Variants in TRRAP observed in about 807,000 individuals in gnomAD.
TRRAP encodes the protein transformation/transcription domain-associated protein.
In TRRAP, 41 loss-of-function variants were observed where a neutral mutation model predicts 438.8. The ratio of observed to expected loss-of-function variants is 0.09; its 90% confidence interval spans 0.07 to 0.12. The LOEUF (loss-of-function observed/expected upper bound fraction) is 0.12. Among genes scored for constraint, TRRAP ranks in the 10% least tolerant of loss-of-function variants. The pLI, the probability that TRRAP is intolerant of heterozygous loss-of-function variation, is 1.00. For synonymous variants in TRRAP, 1,994 were observed against 1,962.9 expected (o/e 1.02, Z -0.42); for missense variants, 3,122 against 5,055.1 (o/e 0.62, Z 11.60).
At chr7:98,892,789 G>A (rs1231337962) in intron 5 of TRRAP, among the ~76,000 whole-genome samples, 7 of 152,180 alleles carry the variant, frequency 4.6e-5, no homozygotes, top group African/African-American at 1.2e-4. Context: ...ATGGTGAGCC[G>A]GGTGCGGGCC....
intron 25 of TRRAP, 82 bp downstream of exon 25, chr7:98,930,912 A>G: frequency 6.5e-7 from 1 of 1,535,614 alleles, no homozygotes. Flanking sequence ...ATCCTTCTGC[A>G]AATATGCTCT....
At position 98,976,560 on chromosome 7, in the gene TRRAP, G is replaced by C. The variant is rs770092562; in HGVS notation, c.8037G>C (p.Leu2679=). The change falls in exon 55 of 73, where the codon CTG becomes CTC. Residue 2679 remains leucine, a synonymous_variant. Transcript: ENST00000456197. The surrounding 1 kb of genome is among the most constrained non-coding windows in gnomAD (Gnocchi z 4.6). The part of the protein sequence containing the change: ...QVQRDCQPSA[L]NCFVEAMSQC... ...AGCGGGACTGCCAGCCCAGCGCGCT[G>C]AACTGCTTTGTGGAAGCCATGTCCC... The C allele has an allele frequency of 6.2e-7, 1 of 1,614,006 alleles. No individual in the cohort carries two copies. Among genetic ancestry groups the C allele is most frequent in the Non-Finnish European group, 8.5e-7 (1 of 1,180,038 alleles).
At position 98,948,581 on chromosome 7, in the gene TRRAP, C is replaced by T; in HGVS notation, c.4684C>T (p.Arg1562Ter). 1 of 1,614,136 alleles carries T rather than the reference C, an allele frequency of 6.2e-7. No individual in the cohort carries two copies. The change falls in exon 35 of 73, where the codon CGA becomes TGA. Residue 1562 changes from arginine (R) to a stop codon, truncating the protein, a stop_gained. Coordinates refer to ENST00000456197, the MANE Select transcript of TRRAP (RefSeq NM_001375524.1). LOFTEE classifies it high-confidence loss of function. The surrounding 1 kb of genome is among the most constrained non-coding windows in gnomAD (Gnocchi z 4.9). ...TGTTTTGCAGGCGGGGAGTCCATTC[C>T]GAGAGCCCCTGATCAAGTTCCTGAC... is the stretch of plus-strand genomic sequence containing the variant. ...AMLIEAGSPF[R>*]EPLIKFLTRH...
chr7:98,968,974 G>A (rs545928170), intron 51 of TRRAP, among the ~76,000 whole-genome samples: 5 of 152,292 alleles, frequency 3.3e-5, no homozygotes, highest in Admixed American at 6.5e-5. Context: ...CATGTGAATC[G>A]GTCAGGGGAA....
At position 98,906,262 on chromosome 7, in the gene TRRAP, G is replaced by A; in HGVS notation, c.1115+7G>A. On this transcript the variant is annotated splice_region_variant and intron_variant, in intron 13 of 72. Coordinates refer to ENST00000456197, the MANE Select transcript of TRRAP (RefSeq NM_001375524.1). ...CTGCCAGAGAGACTCTAAGGTATGAGATTAAACCAGTGATATCTGGTTGGT... is the reference window on the plus strand; with the variant it reads ...CTGCCAGAGAGACTCTAAGGTATGAAATTAAACCAGTGATATCTGGTTGGT... The A allele has an allele frequency of 6.2e-7, 1 of 1,612,422 alleles. No individual in the cohort carries two copies. The highest frequency in any genetic ancestry group is 8.5e-7 in the Non-Finnish European group (1 of 1,178,862).
chr7:98,950,196 A>G lies in TRRAP; in HGVS notation c.5268A>G (p.Lys1756=). 6.2e-7 allele frequency: 1 copy of G among 1,614,214 alleles called. No individual in the cohort carries two copies. Reference sequence around the variant, plus strand: ...CCAAAAATTACAGCATCGCTCAGAAACGTGCCCTGTTCTTTCGCTTTGTAG... The same window carrying G: ...CCAAAAATTACAGCATCGCTCAGAAGCGTGCCCTGTTCTTTCGCTTTGTAG... The part of the protein sequence containing the change: ...EIPKNYSIAQ[K]RALFFRFVDF... The change falls in exon 38 of 73, where the codon AAA becomes AAG. Residue 1756 remains lysine, a synonymous_variant. Transcript: ENST00000456197.
intron 33 of TRRAP, among the ~76,000 whole-genome samples, chr7:98,946,800 G>A (rs944514185): frequency 1.3e-5 from 2 of 152,224 alleles, no homozygotes; most frequent in Non-Finnish European, 2.9e-5. Context: ...CCTCCCAGTG[G>A]TGTTGCAAAG....
intron 3 of TRRAP, among the ~76,000 whole-genome samples, chr7:98,889,305 A>G (rs570366967): frequency 4.6e-5 from 7 of 152,292 alleles, no homozygotes; most frequent in South Asian, 2.1e-4. Flanking sequence ...AGTATTTGAC[A>G]TGTAAGTGCT....
At chr7:98,911,320 T>G in intron 17 of TRRAP, 49 bp downstream of exon 17, 1 of 1,493,346 alleles carries the variant, frequency 6.7e-7, no homozygotes, top group Non-Finnish European at 9.1e-7. Context: ...ATTCTTTGTT[T>G]ATGTCTTAAA....
intron 67 of TRRAP, among the ~76,000 whole-genome samples, chr7:99,002,260 T>C (rs1228866269): frequency 6.6e-6 from 1 of 152,180 alleles, no homozygotes; most frequent in African/African-American, 2.4e-5. Context: ...GGTGTGCGCA[T>C]GCATACACAC....
Position 99,012,717 on chromosome 7 carries a change from A to C in TRRAP, c.*362A>C. The C allele has an allele frequency of 4.4e-6, 1 of 229,238 alleles. No homozygotes were observed. Among genetic ancestry groups the C allele is most frequent in the African/African-American group, 2.3e-5 (1 of 43,898 alleles). The allele number at this position is 229,238 out of a possible 1,614,324, so 14.2% of individuals were successfully genotyped here. ...GGAACTGTACGAACAGCTCCCTTCC[A>C]TCCATTTTTAACTCTTTCGGAAATA... is the stretch of plus-strand genomic sequence containing the variant. On this transcript the variant is annotated 3_prime_UTR_variant, in exon 73 of 73. Coordinates refer to ENST00000456197, the MANE Select transcript of TRRAP (RefSeq NM_001375524.1). The surrounding 1 kb of genome is among the most constrained non-coding windows in gnomAD (Gnocchi z 5.9).
At chr7:98,921,703 G>C in intron 20 of TRRAP, 50 bp from the exon 21 acceptor site, 5 of 1,607,648 alleles carry the variant, frequency 3.1e-6, no homozygotes, top group Non-Finnish European at 4.3e-6. Context: ...TCCGAACCTC[G>C]TGAAGGCATT....
At chr7:98,965,380 G>A (rs1286543382) in intron 48 of TRRAP, among the ~76,000 whole-genome samples, 1 of 152,160 alleles carries the variant, frequency 6.6e-6, no homozygotes, top group Admixed American at 6.5e-5. Context: ...GCCTGGCAGG[G>A]GCTGTGGTGG....
intron 53 of TRRAP, among the ~76,000 whole-genome samples, chr7:98,974,807 C>T (rs1792578188): frequency 6.6e-6 from 1 of 152,184 alleles, no homozygotes; most frequent in South Asian, 2.1e-4. Flanking sequence ...AAACATGGCA[C>T]CCATAGGCAT....
chr7:98,895,753 G>A lies in TRRAP; in HGVS notation c.451-11G>A. ...ATATCTTCCTATAACGAAAGTGTCTGCTTTTTTTAGATTCATCATTTTCTG... is the reference window on the plus strand; with the variant it reads ...ATATCTTCCTATAACGAAAGTGTCTACTTTTTTTAGATTCATCATTTTCTG... On this transcript the variant is annotated splice_polypyrimidine_tract_variant and intron_variant, in intron 6 of 72. Coordinates refer to ENST00000456197, the MANE Select transcript of TRRAP (RefSeq NM_001375524.1). The A allele has an allele frequency of 1.3e-6, 2 of 1,596,212 alleles. No homozygotes were observed. The highest frequency in any genetic ancestry group is 1.7e-6 in the Non-Finnish European group (2 of 1,171,832).
Position 98,976,074 on chromosome 7 carries a change from G to T in TRRAP, c.7840-75G>T. The T allele has an allele frequency of 1.3e-6, 2 of 1,570,826 alleles. No individual in the cohort carries two copies. The highest frequency in any genetic ancestry group is 1.1e-5 in the South Asian group (1 of 87,664). ...TCGGTAATGTATGAGACAGATCATGGGTGTCTTCTGAGCGTGGTTGTGCGA... is the reference window on the plus strand; with the variant it reads ...TCGGTAATGTATGAGACAGATCATGTGTGTCTTCTGAGCGTGGTTGTGCGA... On this transcript the variant is annotated intron_variant, in intron 53 of 72. Coordinates refer to ENST00000456197, the MANE Select transcript of TRRAP (RefSeq NM_001375524.1). This position sits in a 1 kb window ranked among gnomAD's most constrained non-coding sequence, Gnocchi z 4.6.
Position 98,918,214 on chromosome 7 carries a change from C to T in TRRAP, c.2622+535C>T, listed in dbSNP as rs114324051. Among the ~76,000 whole-genome samples, 860 of 144,926 alleles carry T rather than the reference C, an allele frequency of 5.9e-3. 8 individuals are homozygous for T. Among genetic ancestry groups the T allele is most frequent in the African/African-American group, 0.02 (797 of 39,358 alleles). On this transcript the variant is annotated intron_variant, in intron 20 of 72. Coordinates refer to ENST00000456197, the MANE Select transcript of TRRAP (RefSeq NM_001375524.1). Reference sequence around the variant, plus strand: ...TTGCCTGTTTTTCAGAGAGCCTTCACGAGGGTTATATTCTTTTTTTTTTTT... The same window carrying T: ...TTGCCTGTTTTTCAGAGAGCCTTCATGAGGGTTATATTCTTTTTTTTTTTT...
chr7:98,991,801 T>A (rs113537704), intron 64 of TRRAP, among the ~76,000 whole-genome samples: 16 of 152,332 alleles, frequency 1.1e-4, no homozygotes, highest in African/African-American at 3.6e-4. Context: ...GTTTTTTTAT[T>A]TGCTTCAGTG....
At chr7:98,993,278 T>G (rs1793508671) in intron 65 of TRRAP, among the ~76,000 whole-genome samples, 1 of 152,256 alleles carries the variant, frequency 6.6e-6, no homozygotes, top group African/African-American at 2.4e-5. Flanking sequence ...TGCATCCTCC[T>G]AAAACACATA....
Sources: allele counts gnomAD v4.1 joint callset (sites outside exome capture counted in the v4.1 genomes callset), GRCh38; gene constraint gnomAD v4.1.1; non-coding constraint Gnocchi (gnomAD v3.1); transcripts MANE v1.5; gene names NCBI Gene and HGNC (gene_info 2026-07-23, HGNC 2026-07-21).